ANK2: variants seen among roughly 807,000 people sequenced by gnomAD.
ANK2 encodes ankyrin 2.
Under a neutral mutation model 360.5 loss-of-function variants are expected in ANK2, and 83 were observed. That is an observed-to-expected ratio of 0.23 (90% CI 0.19 to 0.28). The LOEUF (loss-of-function observed/expected upper bound fraction) is 0.28, where lower values mean the gene tolerates loss of function less well. ANK2 is among the 10% of genes least tolerant of loss of function. The pLI is 1.00. For synonymous variants in ANK2, 1,740 were observed against 1,759.5 expected (o/e 0.99, Z 0.28); for missense variants, 4,201 against 4,795.7 (o/e 0.88, Z 3.66).
At chr4:112,855,620 T>C (rs755085606) in intron 1 of ANK2, among the ~76,000 whole-genome samples, 57 of 152,332 alleles carry the variant, frequency 3.7e-4, no homozygotes, top group Non-Finnish European at 6.2e-4. Flanking sequence ...ATATGCCAGG[T>C]ATTGTCCTAA....
At chr4:113,213,898 G>A in intron 4 of ANK2, 1 of 561,434 alleles carries the variant, frequency 1.8e-6, no homozygotes, top group South Asian at 2.5e-5. Flanking sequence ...GCAATGAAAA[G>A]AGAAAGAGAA....
chr4:113,066,905 A>G (rs552172197), intron 1 of ANK2, among the ~76,000 whole-genome samples: 1 of 152,206 alleles, frequency 6.6e-6, no homozygotes, highest in South Asian at 2.1e-4. Context: ...TTCTGTGACA[A>G]TTGTGAGCTA....
rs970996373 is a variant in ANK2 at position 113,357,838 on chromosome 4, C to A, written c.9220C>A (p.Gln3074Lys). 3.7e-6 allele frequency: 6 copies of A among 1,613,734 alleles called. No homozygotes were observed. The African/African-American group carries it at 8.0e-5, about 22-fold the overall frequency. The change falls in exon 38 of 46, where the codon CAA becomes AAA. Residue 3074 changes from glutamine to lysine, a missense_variant. By Grantham distance (53) the Gln-to-Lys change is moderately conservative (BLOSUM62 1). This residue lies in a region of ANK2 where 2,642 missense variants were observed against 2,714.5 expected (regional missense o/e 0.97). Coordinates refer to ENST00000357077, the MANE Select transcript of ANK2 (RefSeq NM_001148.6). ...GATATTTGGTTTGATGGTAGACAGA[C>A]AATCACAGGGTACCACCCCTGACAC... is the stretch of plus-strand genomic sequence containing the variant. Reference protein sequence around the residue: ...QKIFGLMVDRQSQGTTPDTTP... With the variant: ...QKIFGLMVDRKSQGTTPDTTP...
rs191204229 is a variant in ANK2 at position 112,887,293 on chromosome 4, C to T, written c.-39-17162C>T. 1.3e-3 allele frequency among the ~76,000 whole-genome samples: 203 copies of T among 152,264 alleles called. 1 individual carries two copies. The highest frequency in any genetic ancestry group is 2.0e-3 in the Non-Finnish European group (136 of 68,010). On this transcript the variant is annotated intron_variant, in intron 1 of 30. Transcript: ENST00000503271. ...ACTTTACAATGATGTGAAAGCTAGA[C>T]GGATTCAGTAGAAAACTACTTCAAA...
At chr4:112,814,690 T>G (rs2055517767), upstream of ANK2, among the ~76,000 whole-genome samples, 2 of 152,088 alleles carry the variant, frequency 1.3e-5, no homozygotes, top group South Asian at 2.1e-4. Flanking sequence ...AGAGAGAACA[T>G]TCTGCTTGCT....
intron 2 of ANK2, among the ~76,000 whole-genome samples, chr4:113,030,676 C>T (rs1437590340): frequency 1.3e-5 from 2 of 151,854 alleles, no homozygotes; most frequent in Non-Finnish European, 2.9e-5. Flanking sequence ...AAATCTGCAT[C>T]ATGATGACTA....
intron 14 of ANK2, 140 bp from the exon 15 acceptor site, chr4:113,274,312 A>G (rs1366388347): frequency 3.2e-6 from 3 of 937,150 alleles, no homozygotes; most frequent in Non-Finnish European, 5.1e-6. Context: ...AAAATATGCC[A>G]TGGTTAAAGC....
intron 1 of ANK2, among the ~76,000 whole-genome samples, chr4:112,896,261 T>C (rs983370730): frequency 6.6e-6 from 1 of 152,224 alleles, no homozygotes; most frequent in Non-Finnish European, 1.5e-5. Flanking sequence ...CTTCAAAAGC[T>C]GTTTCTTTTG....
chr4:112,741,719 C>T, the ANK2 span, among the ~76,000 whole-genome samples: 6 of 151,980 alleles, frequency 3.9e-5, no homozygotes, highest in Non-Finnish European at 1.5e-5. Context: ...TGTGGTGGCT[C>T]ATGCTTGTAA....
chr4:112,961,585 G>A (rs2034863818), intron 2 of ANK2, among the ~76,000 whole-genome samples: 3 of 152,084 alleles, frequency 2.0e-5, no homozygotes, highest in African/African-American at 4.8e-5. Flanking sequence ...TACCATGGGT[G>A]GAGAATACCA....
At chr4:113,043,682 A>G (rs2063534216) in intron 2 of ANK2, among the ~76,000 whole-genome samples, 1 of 152,212 alleles carries the variant, frequency 6.6e-6, no homozygotes, top group African/African-American at 2.4e-5. Flanking sequence ...AGAGAGAAAA[A>G]AGAATTCTTA....
chr4:113,184,707 T>TTTA (rs200189943), intron 2 of ANK2, among the ~76,000 whole-genome samples: 5,682 of 151,800 alleles, frequency 0.037, 158 homozygotes, highest in Non-Finnish European at 0.055. Context: ...CATTAATTCT[T>TTTA]TTATTATTAT....
intron 2 of ANK2, among the ~76,000 whole-genome samples, chr4:112,959,040 G>T (rs2033169895): frequency 6.6e-6 from 1 of 151,948 alleles, no homozygotes; most frequent in Non-Finnish European, 1.5e-5. Context: ...AGTAGAGGCG[G>T]GGTTTCACCA....
intron 2 of ANK2, among the ~76,000 whole-genome samples, chr4:113,038,955 CCCTT>C (rs2062240820): frequency 6.6e-6 from 1 of 151,938 alleles, no homozygotes; most frequent in East Asian, 1.9e-4. Context: ...GCCAGGTGAG[CCCTT>C]CCTTAATCCC....
chr4:113,002,037 ATTTTAC>A (rs1403551949), intron 2 of ANK2, among the ~76,000 whole-genome samples: 1 of 151,574 alleles, frequency 6.6e-6, no homozygotes, highest in Non-Finnish European at 1.5e-5. Flanking sequence ...TATTATTATT[ATTTTAC>A]TTTAAGTTTT....
At chr4:113,260,202 C>T (rs2051989382) in intron 13 of ANK2, among the ~76,000 whole-genome samples, 1 of 152,106 alleles carries the variant, frequency 6.6e-6, no homozygotes, top group South Asian at 2.1e-4. Flanking sequence ...CTTCACTGAC[C>T]AATTCCAAAT....
intron 1 of ANK2, among the ~76,000 whole-genome samples, chr4:113,117,954 T>C (rs1180307315): frequency 6.6e-6 from 1 of 152,164 alleles, no homozygotes; most frequent in Non-Finnish European, 1.5e-5. Context: ...ACTAAGAATA[T>C]TGGTGCAGTG....
chr4:112,982,810 G>A (rs896775182), intron 2 of ANK2, among the ~76,000 whole-genome samples: 4 of 152,022 alleles, frequency 2.6e-5, no homozygotes, highest in African/African-American at 9.7e-5. Flanking sequence ...TCAGTTAAGC[G>A]ATTCTAAAAA....
At chr4:113,037,645 A>T (rs1181729678) in intron 2 of ANK2, among the ~76,000 whole-genome samples, 1 of 151,948 alleles carries the variant, frequency 6.6e-6, no homozygotes, top group Non-Finnish European at 1.5e-5. Flanking sequence ...TCCTACTTGA[A>T]TTTGGATACT....
Sources: allele counts gnomAD v4.1 joint callset (sites outside exome capture counted in the v4.1 genomes callset), GRCh38; gene constraint gnomAD v4.1.1; regional missense constraint gnomAD v4.1.1; transcripts MANE v1.5; gene names NCBI Gene and HGNC (gene_info 2026-07-23, HGNC 2026-07-21).